Variants in ARHGAP28 observed in about 807,000 individuals in gnomAD.
ARHGAP28 encodes rho GTPase-activating protein 28.
ARHGAP28 carries 56 observed loss-of-function variants against 90.7 expected under a neutral mutation model. The observed-to-expected ratio is 0.62, with a 90% confidence interval of 0.50 to 0.77. ARHGAP28 has a LOEUF of 0.77. Ranked by LOEUF, ARHGAP28 falls within the 30% of genes least tolerant of loss-of-function variation. The pLI, the probability that ARHGAP28 is intolerant of heterozygous loss-of-function variation, is 0.00. For synonymous variants in ARHGAP28, 308 were observed against 323.3 expected (o/e 0.95, Z 0.51); for missense variants, 869 against 900.9 (o/e 0.96, Z 0.45).
At chr18:6,795,153 G>C (rs2056432632) in intron 1 of ARHGAP28, among the ~76,000 whole-genome samples, 1 of 152,160 alleles carries the variant, frequency 6.6e-6, no homozygotes, top group South Asian at 2.1e-4. Flanking sequence ...ATCCAGGAGT[G>C]GATCTTAGAG....
At chr18:6,881,958 A>G (rs529475290) in intron 10 of ARHGAP28, among the ~76,000 whole-genome samples, 179 bp from the exon 11 acceptor site, 1 of 152,306 alleles carries the variant, frequency 6.6e-6, no homozygotes, top group African/African-American at 2.4e-5. Context: ...AATTGTTTTT[A>G]AAAATTCATC....
intron 17 of ARHGAP28, among the ~76,000 whole-genome samples, chr18:6,909,304 T>TCTTTTC (rs1600313673): frequency 3.1e-4 from 44 of 140,240 alleles, no homozygotes; most frequent in Admixed American, 4.3e-4. Context: ...TCTTTTCTTT[T>TCTTTTC]TTTTTTGAGA....
intron 2 of ARHGAP28, among the ~76,000 whole-genome samples, chr18:6,833,094 T>G (rs866000688): frequency 3.1e-4 from 47 of 152,226 alleles, no homozygotes; most frequent in Non-Finnish European, 1.5e-5. Flanking sequence ...ACTTATATTC[T>G]TTTAATTTTG....
At chr18:6,781,731 A>G (rs1015862017) in intron 1 of ARHGAP28, among the ~76,000 whole-genome samples, 1 of 152,170 alleles carries the variant, frequency 6.6e-6, no homozygotes, top group African/African-American at 2.4e-5. Context: ...CACCAAACAC[A>G]TGGCCTCTAA....
chr18:6,852,063 G>T (rs1187497835), intron 4 of ARHGAP28, among the ~76,000 whole-genome samples: 2 of 152,036 alleles, frequency 1.3e-5, no homozygotes, highest in East Asian at 1.9e-4. Context: ...TGCATATATG[G>T]TATATCTCAA....
intron 16 of ARHGAP28, chr18:6,898,254 C>T: frequency 4.5e-6 from 2 of 444,776 alleles, no homozygotes; most frequent in Non-Finnish European, 8.0e-6. Flanking sequence ...TGGAGGAAGG[C>T]ATAGTGACCA....
At chr18:6,868,012 G>A (rs557404290) in intron 5 of ARHGAP28, 138 bp from the exon 6 acceptor site, 139 of 655,700 alleles carry the variant, frequency 2.1e-4, no homozygotes, top group African/African-American at 2.1e-3. Flanking sequence ...ATCAGATGCC[G>A]GTCCTTTATG....
chr18:6,842,634 T>G (rs2056836123), intron 3 of ARHGAP28, among the ~76,000 whole-genome samples: 1 of 152,184 alleles, frequency 6.6e-6, no homozygotes, highest in African/African-American at 2.4e-5. Context: ...CTTTGATCCT[T>G]GGGTGTTGAT....
intron 1 of ARHGAP28, among the ~76,000 whole-genome samples, chr18:6,781,525 G>A (rs1306866295): frequency 2.0e-5 from 3 of 152,146 alleles, no homozygotes; most frequent in Admixed American, 1.3e-4. Flanking sequence ...ACTCCCCAGC[G>A]GGAGCGGGAG....
At chr18:6,827,760 A>G (rs1476895543) in intron 2 of ARHGAP28, among the ~76,000 whole-genome samples, 1 of 146,924 alleles carries the variant, frequency 6.8e-6, no homozygotes, top group Non-Finnish European at 1.5e-5. Flanking sequence ...GGCGGTTGCC[A>G]GGCGGAGGGT....
chr18:6,833,888 G>A (rs926051198), intron 2 of ARHGAP28, among the ~76,000 whole-genome samples: 1 of 152,044 alleles, frequency 6.6e-6, no homozygotes, highest in Non-Finnish European at 1.5e-5. Flanking sequence ...ATCTTTTACT[G>A]TCATTTATTT....
In ARHGAP28 at chr18:6,894,907, T is replaced by C. The variant is rs765428679; in HGVS notation, c.1905+16T>C. 6.2e-7 allele frequency: 1 copy of C among 1,612,522 alleles called. No homozygotes were observed. Among genetic ancestry groups the C allele is most frequent in the Non-Finnish European group, 8.5e-7 (1 of 1,178,778 alleles). On this transcript the variant is annotated intron_variant, in intron 15 of 17. Coordinates refer to ENST00000383472, the MANE Select transcript of ARHGAP28 (RefSeq NM_001366230.1). The stretch of plus-strand genomic sequence containing the variant: ...AAGACGAATGGTAAGAAAAATAATT[T>C]CTTTTCCCTTCCATTAACTCCCTAT...
intron 1 of ARHGAP28, among the ~76,000 whole-genome samples, chr18:6,739,982 G>A (rs1254659639): frequency 1.3e-5 from 2 of 151,582 alleles, no homozygotes; most frequent in African/African-American, 4.9e-5. Context: ...AGCCTCCCAA[G>A]TAACTGGGAT....
At chr18:6,907,373 T>C (rs1369935013) in intron 16 of ARHGAP28, among the ~76,000 whole-genome samples, 4 of 148,498 alleles carry the variant, frequency 2.7e-5, no homozygotes, top group African/African-American at 1.0e-4. Context: ...ATAGCAGCTT[T>C]ATTTGTACAG....
intron 3 of ARHGAP28, among the ~76,000 whole-genome samples, chr18:6,841,180 C>CCTCTCTCTCTCTCCTCTCT (rs2056814630): frequency 1.8e-5 from 1 of 57,064 alleles, no homozygotes. Flanking sequence ...CTCTCTCTCT[C>CCTCTCTCTCTCTCCTCTCT]CTCTCTCTCT....
intron 6 of ARHGAP28, among the ~76,000 whole-genome samples, 170 bp downstream of exon 6, chr18:6,868,404 A>G (rs1441046281): frequency 6.6e-6 from 1 of 152,138 alleles, no homozygotes; most frequent in African/African-American, 2.4e-5. Flanking sequence ...CAAACACCCC[A>G]TTCTGTCACA....
intron 1 of ARHGAP28, among the ~76,000 whole-genome samples, chr18:6,746,298 C>T (rs111265382): frequency 6.5e-4 from 99 of 152,166 alleles, no homozygotes; most frequent in African/African-American, 2.2e-3. Flanking sequence ...AGTTTTTCTG[C>T]GAAGGGTCAA....
chr18:6,863,746 T>C (rs2057015806), intron 5 of ARHGAP28, among the ~76,000 whole-genome samples: 2 of 151,250 alleles, frequency 1.3e-5, no homozygotes, highest in African/African-American at 4.8e-5. Context: ...TTATGAAACC[T>C]CCAAAGCCTG....
At chr18:6,805,881 T>G (rs569810829) in intron 1 of ARHGAP28, among the ~76,000 whole-genome samples, 32 of 152,000 alleles carry the variant, frequency 2.1e-4, no homozygotes, top group Non-Finnish European at 3.5e-4. Flanking sequence ...GCTTTATATT[T>G]TTCCTTTTTT....
Sources: gnomAD v4.1 joint callset for allele counts (sites outside exome capture counted in the v4.1 genomes callset) on GRCh38, gnomAD v4.1.1 for gene constraint, MANE v1.5 for transcripts, NCBI Gene and HGNC (gene_info 2026-07-23, HGNC 2026-07-21) for gene names.